GRM7: variants seen among roughly 807,000 people sequenced by gnomAD.
GRM7 encodes the protein glutamate metabotropic receptor 7.
GRM7 carries 35 observed loss-of-function variants against 84.5 expected under a neutral mutation model. The observed-to-expected ratio is 0.41, with a 90% CI of 0.32 to 0.55. The LOEUF (loss-of-function observed/expected upper bound fraction) is 0.55. GRM7 is among the 20% of genes least tolerant of loss of function. The pLI, the probability that GRM7 is intolerant of heterozygous loss-of-function variation, is 0.19. For synonymous variants in GRM7, 487 were observed against 455.1 expected (o/e 1.07, Z -0.89); for missense variants, 1,003 against 1,194.6 (o/e 0.84, Z 2.36).
chr3:7,673,517 TA>T (rs35955518), intron 8 of GRM7, among the ~76,000 whole-genome samples: 166 of 141,454 alleles, frequency 1.2e-3, no homozygotes, highest in Middle Eastern at 3.8e-3. Flanking sequence ...CAGTGACAGT[TA>T]AAAAAAAAAA....
intron 8 of GRM7, among the ~76,000 whole-genome samples, chr3:7,615,413 C>G (rs1697035651): frequency 6.6e-6 from 1 of 151,604 alleles, no homozygotes; most frequent in Admixed American, 6.6e-5. Context: ...GTCATTTTCT[C>G]TTGAAGTCTG....
intron 2 of GRM7, among the ~76,000 whole-genome samples, chr3:7,224,863 C>A (rs1042694077): frequency 4.6e-5 from 7 of 152,222 alleles, no homozygotes; most frequent in African/African-American, 1.7e-4. Flanking sequence ...CACTACCCAC[C>A]ACCCACTACC....
chr3:7,628,635 T>A (rs531145944), intron 8 of GRM7, among the ~76,000 whole-genome samples: 1 of 152,218 alleles, frequency 6.6e-6, no homozygotes, highest in East Asian at 1.9e-4. Flanking sequence ...TAATTATACG[T>A]CTAACTCAGG....
At chr3:7,113,720 T>C (rs1056755325) in intron 1 of GRM7, among the ~76,000 whole-genome samples, 4 of 152,166 alleles carry the variant, frequency 2.6e-5, no homozygotes, top group South Asian at 2.1e-4. Flanking sequence ...TATTAGTAGA[T>C]GGTATAAGAT....
chr3:7,562,648 G>T (rs1231756369), intron 7 of GRM7, among the ~76,000 whole-genome samples: 2 of 152,042 alleles, frequency 1.3e-5, no homozygotes, highest in Admixed American at 6.5e-5. Flanking sequence ...TTTCTACAGT[G>T]TTATTGAAAG....
At chr3:7,073,883 G>A (rs1173026958) in intron 1 of GRM7, among the ~76,000 whole-genome samples, 1 of 152,060 alleles carries the variant, frequency 6.6e-6, no homozygotes, top group Non-Finnish European at 1.5e-5. Flanking sequence ...CAAATGTCAT[G>A]GAGATTGATC....
intron 7 of GRM7, among the ~76,000 whole-genome samples, chr3:7,470,732 T>C (rs548801893): frequency 1.3e-4 from 20 of 152,030 alleles, no homozygotes; most frequent in Non-Finnish European, 2.9e-4. Flanking sequence ...AAAAAAGAAA[T>C]ACAACAAGAT....
intron 1 of GRM7, among the ~76,000 whole-genome samples, chr3:6,948,414 G>A (rs1470099834): frequency 6.6e-6 from 1 of 152,212 alleles, no homozygotes; most frequent in East Asian, 1.9e-4. Context: ...ACTGTGGTCT[G>A]AGAGACAGTT....
intron 7 of GRM7, among the ~76,000 whole-genome samples, chr3:7,546,425 C>T (rs1693153876): frequency 6.6e-6 from 1 of 152,170 alleles, no homozygotes; most frequent in Non-Finnish European, 1.5e-5. Flanking sequence ...CCCAATGGAG[C>T]CACCTTGTGT....
At chr3:7,050,908 T>G (rs1166556406) in intron 1 of GRM7, among the ~76,000 whole-genome samples, 1 of 151,884 alleles carries the variant, frequency 6.6e-6, no homozygotes, top group Non-Finnish European at 1.5e-5. Flanking sequence ...GCAGTTGTCT[T>G]GAAATCAGAA....
At chr3:7,732,582 A>T (rs1411684211) in intron 9 of GRM7, among the ~76,000 whole-genome samples, 1 of 152,238 alleles carries the variant, frequency 6.6e-6, no homozygotes, top group African/African-American at 2.4e-5. Context: ...AACTAGTGTG[A>T]GGATCCTCTT....
rs138349718 is a variant in GRM7 at position 7,583,837 on chromosome 3, A to G, written c.2451+4480A>G. On this transcript the variant is annotated intron_variant, in intron 8 of 9. Coordinates refer to ENST00000357716, the MANE Select transcript of GRM7 (RefSeq NM_000844.4). ...TTTCTCATGGTCTTTCAGTAATTAA[A>G]CTTACAATGCGTGTACTGTGCCCTT... is the stretch of plus-strand genomic sequence containing the variant. 4.1e-3 allele frequency among the ~76,000 whole-genome samples: 620 copies of G among 152,298 alleles called. 5 individuals carry two copies. The highest frequency in any genetic ancestry group is 0.013 in the African/African-American group (520 of 41,564).
intron 1 of GRM7, among the ~76,000 whole-genome samples, chr3:7,030,893 A>G (rs1435751781): frequency 2.0e-5 from 3 of 152,234 alleles, no homozygotes; most frequent in African/African-American, 7.2e-5. Flanking sequence ...TAAGTTTACT[A>G]AAACTCTGGC....
chr3:6,930,580 A>G (rs912074649), intron 1 of GRM7, among the ~76,000 whole-genome samples: 7 of 152,170 alleles, frequency 4.6e-5, no homozygotes, highest in African/African-American at 1.4e-4. Context: ...TTACTAAATT[A>G]TAAAGGCACT....
chr3:7,698,902 T>A (rs1269191191), intron 9 of GRM7, among the ~76,000 whole-genome samples: 2 of 152,206 alleles, frequency 1.3e-5, no homozygotes, highest in Non-Finnish European at 2.9e-5. Flanking sequence ...TATGGGAATG[T>A]ACTCTATATA....
intron 2 of GRM7, among the ~76,000 whole-genome samples, chr3:7,206,818 T>G (rs1575030976): frequency 6.6e-6 from 1 of 152,188 alleles, no homozygotes; most frequent in Non-Finnish European, 1.5e-5. Context: ...CCTTCCCTTA[T>G]TATTCGACGG....
chr3:6,891,345 T>C (rs1475447924), intron 1 of GRM7, among the ~76,000 whole-genome samples: 1 of 152,228 alleles, frequency 6.6e-6, no homozygotes, highest in Non-Finnish European at 1.5e-5. Context: ...CTTTACAATT[T>C]GGCATGATTT....
At position 7,099,494 on chromosome 3, in the gene GRM7, CATT is replaced by C. The variant is rs1421099238; in HGVS notation, c.520-46955_520-46953del. The stretch of plus-strand genomic sequence containing the variant: ...ATACACATATATGTATATGTACACG[CATT>C]ATACATGTACACATATATGTATATG... On this transcript the variant is annotated intron_variant, in intron 1 of 9. Coordinates refer to ENST00000357716, the MANE Select transcript of GRM7 (RefSeq NM_000844.4). 2.8e-5 allele frequency among the ~76,000 whole-genome samples: 4 copies of C among 144,490 alleles called. No individual in the cohort carries two copies. The East Asian group carries it at 6.0e-4, about 22-fold the overall frequency. 94.8% of individuals were successfully genotyped at this position (144,490 alleles called of 152,430 possible).
At chr3:7,251,961 C>T (rs757503296) in intron 2 of GRM7, among the ~76,000 whole-genome samples, 18 of 152,092 alleles carry the variant, frequency 1.2e-4, no homozygotes, top group Admixed American at 1.3e-4. Context: ...AAAACAAAGC[C>T]TTTTTTCCAA....
Sources: gnomAD v4.1 joint callset for allele counts (sites outside exome capture counted in the v4.1 genomes callset) on GRCh38, gnomAD v4.1.1 for gene constraint, MANE v1.5 for transcripts, NCBI Gene and HGNC (gene_info 2026-07-23, HGNC 2026-07-21) for gene names.